The following C6orf132 variants were observed in gnomAD, a reference collection of about 807,000 sequenced individuals.
The protein encoded by C6orf132 is uncharacterized protein C6orf132.
In C6orf132, 43 loss-of-function variants were observed where a neutral mutation model predicts 65.3. The observed-to-expected ratio is 0.66, with a 90% confidence interval of 0.52 to 0.85. The LOEUF (loss-of-function observed/expected upper bound fraction) is 0.85, where lower values mean the gene tolerates loss of function less well. Among genes scored for constraint, C6orf132 ranks in the 40% least tolerant of loss-of-function variants. The probability of loss-of-function intolerance (pLI) is 0.00; values close to 1 mark genes in which losing one functional copy is unlikely to be tolerated. For synonymous variants in C6orf132, 631 were observed against 654.1 expected (o/e 0.96, Z 0.54); for missense variants, 1,488 against 1,548.8 (o/e 0.96, Z 0.66).
At chr6:42,125,711 T>C (rs1766753804) in intron 2 of C6orf132, among the ~76,000 whole-genome samples, 1 of 152,214 alleles carries the variant, frequency 6.6e-6, no homozygotes, top group African/African-American at 2.4e-5. Context: ...CAGGAAGTAT[T>C]TCCCCAGGAC....
rs1285048722 is a variant in C6orf132 at position 42,112,359 on chromosome 6, C to G, written c.253-2068G>C. On this transcript the variant is annotated intron_variant, in intron 2 of 4. Transcript: ENST00000341865. ...TCCTTCAAGGATTAGCTGAGCCCCT[C>G]TAGGATGATGGAACAGGGGTAGGGG... is the stretch of plus-strand genomic sequence containing the variant. 3.3e-5 allele frequency among the ~76,000 whole-genome samples: 5 copies of G among 152,176 alleles called. No homozygotes were observed. In the South Asian group the frequency reaches 1.0e-3, roughly 32 times the overall value.
At chr6:42,116,617 T>C (rs770367141) in intron 2 of C6orf132, among the ~76,000 whole-genome samples, 1 of 152,198 alleles carries the variant, frequency 6.6e-6, no homozygotes, top group South Asian at 2.1e-4. Context: ...CAGCTTACTT[T>C]CTGGCTCAGA....
In C6orf132 at chr6:42,128,783, A is replaced by G; in HGVS notation, c.146-5T>C. ...TGTCTCCATAATAGATGCCATCTAGAGAACACAAGTGAGGGGACACCATAA... is the reference window on the plus strand; with the variant it reads ...TGTCTCCATAATAGATGCCATCTAGGGAACACAAGTGAGGGGACACCATAA... On this transcript the variant is annotated splice_polypyrimidine_tract_variant and splice_region_variant and intron_variant, in intron 1 of 4. Coordinates refer to ENST00000341865, the MANE Select transcript of C6orf132 (RefSeq NM_001164446.3). The G allele has an allele frequency of 4.5e-6, 7 of 1,547,612 alleles. No homozygotes were observed. The highest frequency in any genetic ancestry group is 6.1e-6 in the Non-Finnish European group (7 of 1,143,336).
At chr6:42,109,124 C>G (rs1039934998) in intron 3 of C6orf132, among the ~76,000 whole-genome samples, 1 of 152,080 alleles carries the variant, frequency 6.6e-6, no homozygotes, top group African/African-American at 2.4e-5. Flanking sequence ...GGGAGGGGTG[C>G]AGCAGGTGCA....
chr6:42,122,565 G>A lies in C6orf132; in HGVS notation c.252+6107C>T, dbSNP rs527458669. Among the ~76,000 whole-genome samples the A allele has an allele frequency of 5.3e-4, 80 of 152,154 alleles. 2 individuals carry two copies. In the South Asian group the frequency reaches 0.016, roughly 30 times the overall value. On this transcript the variant is annotated intron_variant, in intron 2 of 4. Coordinates refer to ENST00000341865, the MANE Select transcript of C6orf132 (RefSeq NM_001164446.3). ...GGTGTGGAGCTCCATTTGCACTCTC[G>A]TGGCAGGCCTAACACCCCACACCCC... is the stretch of plus-strand genomic sequence containing the variant.
intron 2 of C6orf132, among the ~76,000 whole-genome samples, chr6:42,114,396 C>T (rs1766535356): frequency 6.6e-6 from 1 of 150,982 alleles, no homozygotes; most frequent in Non-Finnish European, 1.5e-5. Flanking sequence ...CTCCAAGCCC[C>T]TGTCTGGCCC....
intron 1 of C6orf132, among the ~76,000 whole-genome samples, chr6:42,134,363 C>T (rs1395947284): frequency 6.6e-6 from 1 of 152,196 alleles, no homozygotes; most frequent in African/African-American, 2.4e-5. Context: ...AGCACAGTGC[C>T]TAGCAGATAT....
chr6:42,105,099 G>A lies in C6orf132; in HGVS notation c.2813C>T (p.Pro938Leu). Residue 938 changes from proline (P) to leucine (L), a missense_variant, in exon 4 of 5, where the codon CCA becomes CTA. Physicochemically the swap from Pro to Leu is moderately conservative, Grantham distance 98. Transcript: ENST00000341865. Reference sequence around the variant, plus strand: ...CCAGGCCACAGGGGCCTGGGGCTCTGGCTTTGTCCAGTTGTGCCTGCGGCT... The same window carrying A: ...CCAGGCCACAGGGGCCTGGGGCTCTAGCTTTGTCCAGTTGTGCCTGCGGCT... Reference protein sequence around the residue: ...ELSRRHNWTKPEPQAPVAWER... With the variant: ...ELSRRHNWTKLEPQAPVAWER... 6.5e-7 allele frequency: 1 copy of A among 1,537,048 alleles called. No individual in the cohort carries two copies. The highest frequency in any genetic ancestry group is 8.7e-7 in the Non-Finnish European group (1 of 1,146,870).
Position 42,106,871 on chromosome 6 carries a change from G to A in C6orf132, c.1041C>T (p.Arg347=). Residue 347 remains arginine, a synonymous_variant, in exon 4 of 5, where the codon CGC becomes CGT. Coordinates refer to ENST00000341865, the MANE Select transcript of C6orf132 (RefSeq NM_001164446.3). ...RLPLPPSFHI[R]PASQVYPDRA... ...TGTCTGGGTAGACCTGGGAGGCGGG[G>A]CGGATGTGGAAGCTGGGAGGCAGTG... The A allele has an allele frequency of 6.5e-7, 1 of 1,535,666 alleles. No homozygotes were observed.
chr6:42,122,136 GAA>G (rs1308142962), intron 2 of C6orf132, among the ~76,000 whole-genome samples: 1 of 152,216 alleles, frequency 6.6e-6, no homozygotes, highest in African/African-American at 2.4e-5. Flanking sequence ...CTGGGGGCCA[GAA>G]AAGAGTGTCC....
Position 42,103,814 on chromosome 6 carries a change from G to T in C6orf132, c.3514C>A (p.Arg1172Ser). 2 of 1,490,892 alleles carry T rather than the reference G, an allele frequency of 1.3e-6. No individual in the cohort carries two copies. The highest frequency in any genetic ancestry group is 1.3e-5 in the South Asian group (1 of 78,362). 92.4% of individuals were successfully genotyped at this position (1,490,892 alleles called of 1,614,324 possible). A position where few individuals can be genotyped will look rare whatever the true frequency, so the allele number is the denominator to read the frequency against. ...INTFTVRPGT[R>S]HPISYVCSGA... is the part of the protein sequence containing the mutation. ...GAGCAGACATAGGAGATGGGATGGC[G>T]GGTCCCAGGCCTCACGGTGAACGTG... is the stretch of plus-strand genomic sequence containing the variant. Residue 1172 changes from arginine to serine, a missense_variant, in exon 5 of 5, where the codon CGC (arginine) becomes AGC (serine). Arg to Ser is a moderately radical substitution (Grantham distance 110, BLOSUM62 -1). Coordinates refer to ENST00000341865, the MANE Select transcript of C6orf132 (RefSeq NM_001164446.3).
chr6:42,104,803 A>G lies in C6orf132; in HGVS notation c.3109T>C (p.Ser1037Pro). The change falls in exon 4 of 5, where the codon TCG becomes CCG. Residue 1037 changes from serine (S) to proline (P), a missense_variant. Physicochemically the swap from Ser to Pro is moderately conservative, Grantham distance 74. Coordinates refer to ENST00000341865, the MANE Select transcript of C6orf132 (RefSeq NM_001164446.3). The surrounding 1 kb of genome is among the most constrained non-coding windows in gnomAD (Gnocchi z 4.1). Reference protein sequence around the residue: ...GPGAPPALGFSRFPAGARYAG... With the variant: ...GPGAPPALGFPRFPAGARYAG... ...TAGCGCGCGCCCGCGGGAAAGCGCG[A>G]GAAGCCGAGAGCCGGGGGCGCCCCG... 1 of 1,485,638 alleles carries G rather than the reference A, an allele frequency of 6.7e-7. No individual in the cohort carries two copies. The highest frequency in any genetic ancestry group is 8.9e-7 in the Non-Finnish European group (1 of 1,124,758). The allele number at this position is 1,485,638 out of a possible 1,614,324, so 92.0% of individuals were successfully genotyped here.
intron 2 of C6orf132, among the ~76,000 whole-genome samples, chr6:42,116,639 G>T (rs1340103448): frequency 1.3e-5 from 2 of 152,118 alleles, no homozygotes; most frequent in Non-Finnish European, 2.9e-5. Context: ...TCCTTCCATT[G>T]GTCCAGAGGA....
At chr6:42,135,175 C>A (rs1020283712) in intron 1 of C6orf132, among the ~76,000 whole-genome samples, 1 of 152,206 alleles carries the variant, frequency 6.6e-6, no homozygotes, top group Non-Finnish European at 1.5e-5. Flanking sequence ...GGGAGGCAGG[C>A]GGCCCTTTGG....
At chr6:42,136,572 A>G (rs1465380763) in intron 1 of C6orf132, among the ~76,000 whole-genome samples, 1 of 152,182 alleles carries the variant, frequency 6.6e-6, no homozygotes, top group African/African-American at 2.4e-5. Flanking sequence ...GTGAAGTATG[A>G]AGTGTGGCAT....
Position 42,104,467 on chromosome 6 carries a change from C to A in C6orf132, c.3445G>T (p.Gly1149Cys). The A allele has an allele frequency of 8.1e-7, 1 of 1,230,962 alleles. No homozygotes were observed. The highest frequency in any genetic ancestry group is 1.0e-6 in the Non-Finnish European group (1 of 987,592). 76.3% of individuals were successfully genotyped at this position (1,230,962 alleles called of 1,614,324 possible). The change falls in exon 4 of 5, where the codon GGC becomes TGC. Residue 1149 changes from glycine to cysteine, a missense_variant. Physicochemically the swap from Gly to Cys is radical, Grantham distance 159 (BLOSUM62 -3). Coordinates refer to ENST00000341865, the MANE Select transcript of C6orf132 (RefSeq NM_001164446.3). This position sits in a 1 kb window ranked among gnomAD's most constrained non-coding sequence, Gnocchi z 4.1. ...SADYGFAPAA[G>C]RSPYTTTRYG... ...CCAGCCGGGCCCGCAGCTCACCTGC[C>A]GGCAGCTGGGGCGAAGCCGTAGTCG...
At chr6:42,139,131 A>G (rs1171503974) in intron 1 of C6orf132, among the ~76,000 whole-genome samples, 2 of 152,118 alleles carry the variant, frequency 1.3e-5, no homozygotes, top group East Asian at 3.8e-4. Flanking sequence ...ATTCCCTTAC[A>G]CATCCCTACA....
intron 2 of C6orf132, among the ~76,000 whole-genome samples, chr6:42,112,402 G>T (rs569965858): frequency 6.6e-6 from 1 of 152,350 alleles, no homozygotes; most frequent in South Asian, 2.1e-4. Context: ...CATTGGCTCT[G>T]GCTTTCCAGC....
At chr6:42,117,746 A>G (rs1368889058) in intron 2 of C6orf132, among the ~76,000 whole-genome samples, 3 of 151,678 alleles carry the variant, frequency 2.0e-5, no homozygotes, top group Non-Finnish European at 4.4e-5. Flanking sequence ...ACATGGTGAA[A>G]CCCCATCTCT....
Sources: allele counts gnomAD v4.1 joint callset (sites outside exome capture counted in the v4.1 genomes callset), GRCh38; gene constraint gnomAD v4.1.1; non-coding constraint Gnocchi (gnomAD v3.1); transcripts MANE v1.5; gene names NCBI Gene and HGNC (gene_info 2026-07-23, HGNC 2026-07-21).